IL21R: variants seen among roughly 807,000 people sequenced by gnomAD.
IL21R encodes the protein interleukin 21 receptor, also known as interleukin-21 receptor.
A neutral mutation model predicts 41.3 loss-of-function variants in IL21R; 14 were observed. The ratio of observed to expected loss-of-function variants is 0.34; its 90% CI spans 0.22 to 0.53. The LOEUF is 0.53. Among genes scored for constraint, IL21R ranks in the 20% least tolerant of loss-of-function variants. The pLI is 0.94. For synonymous variants in IL21R, 286 were observed against 287.6 expected, an observed-to-expected ratio of 0.99 and a Z score of 0.05; for missense variants, 588 against 681.6, an observed-to-expected ratio of 0.86 and a Z score of 1.53.
Position 27,448,683 on chromosome 16 carries a change from G to T in IL21R, c.1017G>T (p.Glu339Asp). The change falls in exon 9 of 9, where the codon GAG (glutamate) becomes GAT (aspartate). Residue 339 changes from glutamate (E) to aspartate (D), a missense_variant. Coordinates refer to ENST00000337929, the MANE Select transcript of IL21R (RefSeq NM_181078.3). ...TCACGGAGCTACAAGAACCAGCAGA[G>T]CTGGTGGAGTCTGACGGTGTGCCCA... ...LQLTELQEPA[E>D]LVESDGVPKP... The T allele has an allele frequency of 6.2e-7, 1 of 1,613,224 alleles. No homozygotes were observed.
chr16:27,426,628 C>A (rs556451004), intron 1 of IL21R, among the ~76,000 whole-genome samples: 1 of 152,374 alleles, frequency 6.6e-6, no homozygotes, highest in South Asian at 2.1e-4. Flanking sequence ...AACCCGTGCA[C>A]TGGTACAGCA....
rs142403771 is a variant in IL21R at position 27,443,114 on chromosome 16, G to A, written c.505G>A (p.Val169Met). 52 of 1,608,400 alleles carry A rather than the reference G, an allele frequency of 3.2e-5. No individual in the cohort carries two copies. Among genetic ancestry groups the A allele is most frequent in the Non-Finnish European group, 4.3e-5 (51 of 1,177,470 alleles). The change falls in exon 5 of 9, where the codon GTG becomes ATG. Residue 169 changes from valine (V) to methionine (M), a missense_variant and splice_region_variant. Physicochemically the swap from Val to Met is conservative, Grantham distance 21. Coordinates refer to ENST00000337929, the MANE Select transcript of IL21R (RefSeq NM_181078.3). ...CAGGAACCGGGGAGACCCCTGGGCT[G>A]TGGTGAGGAATGTGGGGATCAGTGC... ...QYRNRGDPWA[V>M]SPRRKLISVD... is the part of the protein sequence containing the mutation.
At chr16:27,435,377 G>T (rs1430412438) in intron 3 of IL21R, among the ~76,000 whole-genome samples, 1 of 152,214 alleles carries the variant, frequency 6.6e-6, no homozygotes, top group Non-Finnish European at 1.5e-5. Flanking sequence ...ACGTACCACG[G>T]TGGGGCGGAG....
intron 1 of IL21R, among the ~76,000 whole-genome samples, chr16:27,426,572 G>A (rs148485543): frequency 1.4e-3 from 210 of 152,302 alleles, no homozygotes; most frequent in African/African-American, 4.3e-3. Flanking sequence ...CTGGGCTGCC[G>A]GGGAGACGAT....
intron 4 of IL21R, 110 bp from the exon 5 acceptor site, chr16:27,442,852 C>G: frequency 1.0e-6 from 1 of 975,374 alleles, no homozygotes; most frequent in African/African-American, 1.6e-5. Flanking sequence ...CATGATGGGT[C>G]AGGCATGGAG....
intron 5 of IL21R, among the ~76,000 whole-genome samples, chr16:27,444,185 C>T: frequency 6.6e-6 from 1 of 151,598 alleles, no homozygotes; most frequent in East Asian, 2.0e-4. Context: ...TTGAGAATGT[C>T]CTCAACTGTT....
In IL21R at chr16:27,435,842, C is replaced by T. The variant is rs558209265; in HGVS notation, c.152+1393C>T. Among the ~76,000 whole-genome samples, 92 of 152,198 alleles carry T rather than the reference C, an allele frequency of 6.0e-4. No individual in the cohort carries two copies. In the South Asian group the frequency reaches 0.018, roughly 31 times the overall value. ...GGAGTGCGGTGGCATGATCTCGGCT[C>T]ACTGCAACCTCCACCTCCTGGGTTC... On this transcript the variant is annotated intron_variant, in intron 3 of 8. Transcript: ENST00000337929.
intron 1 of IL21R, among the ~76,000 whole-genome samples, chr16:27,408,112 G>A (rs1416923185): frequency 6.6e-6 from 1 of 152,190 alleles, no homozygotes; most frequent in African/African-American, 2.4e-5. Flanking sequence ...CACTGTCCCT[G>A]CCTAGATGGT....
chr16:27,432,958 A>C (rs1273850389), intron 2 of IL21R, among the ~76,000 whole-genome samples: 1 of 152,190 alleles, frequency 6.6e-6, no homozygotes, highest in Non-Finnish European at 1.5e-5. Flanking sequence ...AGCAGCCCAG[A>C]CCAAGAGAGA....
At chr16:27,438,311 G>GT (rs1346738187) in intron 4 of IL21R, among the ~76,000 whole-genome samples, 2 of 152,056 alleles carry the variant, frequency 1.3e-5, no homozygotes, top group Non-Finnish European at 1.5e-5. Context: ...ACCCTCTTGG[G>GT]TTTTTTCCCC....
chr16:27,407,598 G>A (rs1360808025), intron 1 of IL21R, among the ~76,000 whole-genome samples: 1 of 152,210 alleles, frequency 6.6e-6, no homozygotes, highest in Non-Finnish European at 1.5e-5. Context: ...GGCCAAGGAG[G>A]GTGGATCACC....
intron 2 of IL21R, among the ~76,000 whole-genome samples, chr16:27,431,419 CT>C (rs1428959081): frequency 1.2e-4 from 18 of 152,140 alleles, no homozygotes; most frequent in Non-Finnish European, 2.5e-4. Context: ...AGTTTTTTGG[CT>C]GAGGAGGCTC....
Position 27,451,430 on chromosome 16 carries a change from C to T in IL21R, c.*2147C>T, listed in dbSNP as rs768500672. 51 of 221,124 alleles carry T rather than the reference C, an allele frequency of 2.3e-4. No homozygotes were observed. The highest frequency in any genetic ancestry group is 5.6e-4 in the African/African-American group (25 of 44,708). 13.7% of individuals were successfully genotyped at this position (221,124 alleles called of 1,614,324 possible). A position where few individuals can be genotyped will look rare whatever the true frequency, so the allele number is the denominator to read the frequency against. ...ACACAGAGGAGCAAAGTTGGAGGGC[C>T]GGGCGTAGTGGCTCACACCTGTGAT... On this transcript the variant is annotated 3_prime_UTR_variant, in exon 9 of 9. Transcript: ENST00000337929.
intron 1 of IL21R, among the ~76,000 whole-genome samples, chr16:27,405,377 G>A (rs1462560961): frequency 7.9e-6 from 1 of 126,348 alleles, no homozygotes; most frequent in African/African-American, 2.5e-5. Flanking sequence ...TTTTAGCTAT[G>A]AAAATACAGA....
chr16:27,441,046 C>CAAAAA (rs35321284), intron 4 of IL21R, among the ~76,000 whole-genome samples: 19 of 68,090 alleles, frequency 2.8e-4, no homozygotes, highest in East Asian at 7.3e-4. Flanking sequence ...GATTCTGTCT[C>CAAAAA]AAAAAAAAAA....
At chr16:27,437,717 T>G (rs1596588946) in intron 4 of IL21R, 30 bp downstream of exon 4, 1 of 1,587,318 alleles carries the variant, frequency 6.3e-7, no homozygotes, top group Non-Finnish European at 8.6e-7. Context: ...AGGCTTAGGG[T>G]GGCACTCAAT....
intron 3 of IL21R, 33 bp from the exon 4 acceptor site, chr16:27,437,455 T>G (rs955049226): frequency 6.3e-7 from 1 of 1,588,572 alleles, no homozygotes; most frequent in Non-Finnish European, 8.6e-7. Context: ...TGCCCCTGGC[T>G]TCCAGCCATG....
At chr16:27,438,679 G>A (rs1467081389) in intron 4 of IL21R, among the ~76,000 whole-genome samples, 1 of 152,082 alleles carries the variant, frequency 6.6e-6, no homozygotes, top group Non-Finnish European at 1.5e-5. Context: ...ACCAGCCTGG[G>A]CAACATGGTG....
At chr16:27,418,965 G>A (rs179764) in intron 1 of IL21R, among the ~76,000 whole-genome samples, 93,422 of 151,508 alleles carry the variant, frequency 0.62, 30,746 homozygotes, top group African/African-American at 0.86. Flanking sequence ...CCGTAATCCC[G>A]GCACTTTGGG....
Sources: allele counts gnomAD v4.1 joint callset (sites outside exome capture counted in the v4.1 genomes callset), GRCh38; gene constraint gnomAD v4.1.1; transcripts MANE v1.5; gene names NCBI Gene and HGNC (gene_info 2026-07-23, HGNC 2026-07-21).